Variants in ESRRG observed in about 807,000 individuals in gnomAD.
ESRRG encodes the protein estrogen-related receptor gamma.
Under a neutral mutation model 44.0 loss-of-function variants are expected in ESRRG, and 13 were observed. That is an observed-to-expected ratio of 0.30 (90% CI 0.19 to 0.47). ESRRG has a LOEUF of 0.47. ESRRG is among the 20% of genes least tolerant of loss of function. The pLI is 1.00. For missense variants in ESRRG, 395 were observed against 580.6 expected (o/e 0.68, Z 3.29); for synonymous variants, 215 against 214.6 (o/e 1.00, Z -0.02).
intron 2 of ESRRG, among the ~76,000 whole-genome samples, chr1:216,865,880 C>G (rs2096147795): frequency 6.6e-6 from 1 of 152,156 alleles, no homozygotes; most frequent in Non-Finnish European, 1.5e-5. Flanking sequence ...CCTAATATAA[C>G]ATTCTTTTTT....
intron 1 of ESRRG, among the ~76,000 whole-genome samples, chr1:216,682,709 A>AGTGTGTGTGTGTGTGTGT (rs72420221): frequency 0.04 from 5,788 of 144,646 alleles, 130 homozygotes; most frequent in African/African-American, 0.055. Flanking sequence ...AATACTCTAT[A>AGTGTGTGTGTGTGTGTGT]GTGTGTGTGT....
chr1:216,566,023 C>T (rs2149570378), intron 4 of ESRRG, among the ~76,000 whole-genome samples: 1 of 151,516 alleles, frequency 6.6e-6, no homozygotes, highest in African/African-American at 2.4e-5. Flanking sequence ...CTGGCTTTAT[C>T]CAAGTCAATG....
At chr1:216,617,616 G>C (rs191950141) in intron 3 of ESRRG, among the ~76,000 whole-genome samples, 96 of 152,058 alleles carry the variant, frequency 6.3e-4, no homozygotes, top group African/African-American at 2.1e-3. Context: ...ATCATATATT[G>C]TGGTACTTAA....
intron 1 of ESRRG, among the ~76,000 whole-genome samples, chr1:216,992,261 T>C (rs1211498718): frequency 1.3e-5 from 2 of 152,206 alleles, no homozygotes; most frequent in African/African-American, 4.8e-5. Flanking sequence ...TTTTTGAAAG[T>C]CTTATTCACT....
intron 2 of ESRRG, among the ~76,000 whole-genome samples, chr1:216,848,766 C>A (rs937270152): frequency 6.6e-6 from 1 of 151,714 alleles, no homozygotes; most frequent in Non-Finnish European, 1.5e-5. Flanking sequence ...GTTTGGTGTG[C>A]CTCTGGAACA....
intron 2 of ESRRG, among the ~76,000 whole-genome samples, chr1:216,741,566 C>T (rs2090739955): frequency 6.6e-6 from 1 of 151,984 alleles, no homozygotes; most frequent in Non-Finnish European, 1.5e-5. Context: ...ATTTTCATAT[C>T]TGTATGTGAT....
At chr1:217,015,501 T>C (rs1292878173) in intron 1 of ESRRG, among the ~76,000 whole-genome samples, 4 of 152,254 alleles carry the variant, frequency 2.6e-5, no homozygotes, top group African/African-American at 9.6e-5. Flanking sequence ...AGGAGGTTTA[T>C]AGGGTTGTTT....
chr1:216,891,938 C>G lies in ESRRG; in HGVS notation c.-14+47644G>C, dbSNP rs1173428230. ...CCTTAGCCACCCGAGTAGCTGGGAGCTGGGACAACAGGCATGTGCCAGCAT... is the reference window on the plus strand; with the variant it reads ...CCTTAGCCACCCGAGTAGCTGGGAGGTGGGACAACAGGCATGTGCCAGCAT... On this transcript the variant is annotated intron_variant, in intron 2 of 7. Coordinates refer to the ESRRG transcript ENST00000359162. Among the ~76,000 whole-genome samples the G allele has an allele frequency of 2.6e-5, 4 of 151,676 alleles. No homozygotes were observed. The South Asian group carries it at 6.3e-4, about 24-fold the overall frequency.
intron 2 of ESRRG, among the ~76,000 whole-genome samples, chr1:216,812,704 C>G (rs768366410): frequency 2.2e-4 from 34 of 152,040 alleles, no homozygotes; most frequent in African/African-American, 6.3e-4. Flanking sequence ...TTTAATCCAC[C>G]CTGTTTTCTC....
chr1:216,572,560 T>C (rs1440762540), intron 3 of ESRRG, among the ~76,000 whole-genome samples: 1 of 151,988 alleles, frequency 6.6e-6, no homozygotes, highest in African/African-American at 2.4e-5. Context: ...TTTAATGTTT[T>C]TTCCAGAAAA....
intron 2 of ESRRG, among the ~76,000 whole-genome samples, chr1:216,899,371 G>A (rs967330231): frequency 1.3e-5 from 2 of 152,138 alleles, no homozygotes; most frequent in Non-Finnish European, 2.9e-5. Context: ...TAAAAGAAAT[G>A]CATTTATGTT....
At chr1:216,541,678 C>T (rs2052829838) in intron 5 of ESRRG, among the ~76,000 whole-genome samples, 1 of 150,258 alleles carries the variant, frequency 6.7e-6, no homozygotes, top group Non-Finnish European at 1.5e-5. Context: ...CTATAATGAC[C>T]AAAGTCTTTG....
intron 1 of ESRRG, among the ~76,000 whole-genome samples, chr1:217,045,442 T>A (rs1185794513): frequency 6.6e-6 from 1 of 152,038 alleles, no homozygotes; most frequent in Non-Finnish European, 1.5e-5. Flanking sequence ...ATCTGCAGAG[T>A]TGACTCGGGT....
intron 3 of ESRRG, among the ~76,000 whole-genome samples, chr1:216,573,677 TA>T (rs1164500498): frequency 2.0e-5 from 3 of 151,860 alleles, no homozygotes; most frequent in African/African-American, 7.2e-5. Flanking sequence ...TATCATGTTT[TA>T]TTTCCTGCCC....
intron 2 of ESRRG, among the ~76,000 whole-genome samples, chr1:216,883,332 C>A (rs1207145994): frequency 2.1e-5 from 3 of 141,468 alleles, no homozygotes; most frequent in Non-Finnish European, 4.5e-5. Flanking sequence ...TTGCAGTGAG[C>A]CGAGATCTAG....
At position 216,506,905 on chromosome 1, in the gene ESRRG, A is replaced by T; in HGVS notation, c.*34T>A. On this transcript the variant is annotated 3_prime_UTR_variant, in exon 7 of 7. Coordinates refer to ENST00000408911, the MANE Select transcript of ESRRG (RefSeq NM_001438.4). ...TCTTGGGTTTATTTTCCCTTTTTCAACATGAAGGATGGGAAGGCCCAGGGA... is the reference window on the plus strand; with the variant it reads ...TCTTGGGTTTATTTTCCCTTTTTCATCATGAAGGATGGGAAGGCCCAGGGA... 6.3e-7 allele frequency: 1 copy of T among 1,587,636 alleles called. No individual in the cohort carries two copies. Among genetic ancestry groups the T allele is most frequent in the Non-Finnish European group, 8.5e-7 (1 of 1,169,756 alleles).
At chr1:217,137,232 T>C (rs1305998909) in intron 1 of ESRRG, among the ~76,000 whole-genome samples, 2 of 152,214 alleles carry the variant, frequency 1.3e-5, no homozygotes, top group East Asian at 3.9e-4. Flanking sequence ...TGTAGTGGCG[T>C]TGCTGACCCA....
chr1:216,828,673 C>G (rs1390273310), intron 2 of ESRRG, among the ~76,000 whole-genome samples: 1 of 152,110 alleles, frequency 6.6e-6, no homozygotes, highest in Non-Finnish European at 1.5e-5. Flanking sequence ...GAATAAACCC[C>G]CAAAGAACAA....
chr1:216,818,285 A>G (rs1012401371), intron 2 of ESRRG, among the ~76,000 whole-genome samples: 3 of 152,230 alleles, frequency 2.0e-5, no homozygotes, highest in African/African-American at 7.2e-5. Flanking sequence ...ATTGCATTTA[A>G]ATACTGAGAA....
Sources: gnomAD v4.1 joint callset for allele counts (sites outside exome capture counted in the v4.1 genomes callset) on GRCh38, gnomAD v4.1.1 for gene constraint, MANE v1.5 for transcripts, NCBI Gene and HGNC (gene_info 2026-07-23, HGNC 2026-07-21) for gene names.